The following HTR4 variants were observed in gnomAD, a reference collection of about 807,000 sequenced individuals.
The protein encoded by HTR4 is 5-hydroxytryptamine receptor 4, also known as 5-hydroxytryptamine (serotonin) receptor 4, G protein-coupled.
A neutral mutation model predicts 36.8 loss-of-function variants in HTR4; 16 were observed. That is an observed-to-expected ratio of 0.43 (90% confidence interval 0.29 to 0.66). The LOEUF is 0.66. Ranked by LOEUF, HTR4 falls within the 30% of genes least tolerant of loss-of-function variation. The pLI is 0.13. For missense variants in HTR4, 438 were observed against 490.9 expected (o/e 0.89, Z 1.02); for synonymous variants, 189 against 185.1 (o/e 1.02, Z -0.17).
rs1044543148 is a variant in HTR4 at position 148,560,981 on chromosome 5, G to C, written c.27-10719C>G. Among the ~76,000 whole-genome samples, 9 of 152,176 alleles carry C rather than the reference G, an allele frequency of 5.9e-5. 2 individuals carry two copies. Among genetic ancestry groups the C allele is most frequent in the Admixed American group, 6.5e-5 (1 of 15,274 alleles). ...GTGCTGGCTATAGAAAATGGTAGGA[G>C]AAAAAAGGAATAAACCTTGTAGGAT... is the stretch of plus-strand genomic sequence containing the variant. On this transcript the variant is annotated intron_variant, in intron 2 of 6. Transcript: ENST00000377888.
intron 5 of HTR4, among the ~76,000 whole-genome samples, chr5:148,467,957 C>T (rs1370440620): frequency 6.6e-6 from 1 of 152,222 alleles, no homozygotes; most frequent in African/African-American, 2.4e-5. Flanking sequence ...CCCCACTTCC[C>T]AGACAATGTA....
At chr5:148,489,432 G>T (rs79352593) in intron 6 of HTR4, among the ~76,000 whole-genome samples, 2,247 of 152,278 alleles carry the variant, frequency 0.015, 33 homozygotes, top group South Asian at 0.054. Context: ...GCTGCCCATA[G>T]GAGTGACAGT....
At position 148,509,500 on chromosome 5, in the gene HTR4, G is replaced by A; in HGVS notation, c.1032C>T (p.Val344=). The A allele has an allele frequency of 1.2e-6, 2 of 1,613,330 alleles. No homozygotes were observed. Among genetic ancestry groups the A allele is most frequent in the Non-Finnish European group, 1.7e-6 (2 of 1,179,700 alleles). The change falls in exon 6 of 7, where the codon GTC becomes GTT. Residue 344 remains valine, a synonymous_variant. Coordinates refer to ENST00000377888, the MANE Select transcript of HTR4 (RefSeq NM_000870.7). ...CATTAATGGTTGTGGTTGAACAAGG[G>A]ACAGTCTGGCCCAGAATGGAAGGTC... ...YRRPSILGQT[V]PCSTTTINGS... is the part of the protein sequence containing the mutation.
chr5:148,610,639 C>T (rs1261969820), intron 2 of HTR4, among the ~76,000 whole-genome samples: 5 of 149,214 alleles, frequency 3.4e-5, no homozygotes, highest in South Asian at 2.1e-4. Flanking sequence ...TCCAAAGGAA[C>T]GCAGCTCCTC....
chr5:148,613,163 C>T (rs1752512769), intron 2 of HTR4, among the ~76,000 whole-genome samples: 1 of 151,176 alleles, frequency 6.6e-6, no homozygotes, highest in Non-Finnish European at 1.5e-5. Context: ...AGAAGGAATC[C>T]TCCCTAACTC....
At chr5:148,518,869 A>G (rs1217127999) in intron 5 of HTR4, among the ~76,000 whole-genome samples, 2 of 152,176 alleles carry the variant, frequency 1.3e-5, no homozygotes, top group Non-Finnish European at 2.9e-5. Flanking sequence ...TGCTCCAGCA[A>G]TATTTTATTA....
chr5:148,499,726 T>C (rs907227754), intron 6 of HTR4, among the ~76,000 whole-genome samples: 2 of 152,126 alleles, frequency 1.3e-5, no homozygotes, highest in Admixed American at 6.6e-5. Flanking sequence ...ATCTCCAGAG[T>C]TGGAGGTTGG....
intron 1 of HTR4, among the ~76,000 whole-genome samples, chr5:148,649,948 G>A (rs770353838): frequency 7.2e-5 from 11 of 151,968 alleles, no homozygotes; most frequent in Non-Finnish European, 1.0e-4. Flanking sequence ...CATCACCTGC[G>A]AACCTATTAG....
chr5:148,544,955 CAT>C (rs1759318171), intron 4 of HTR4, among the ~76,000 whole-genome samples: 1 of 152,232 alleles, frequency 6.6e-6, no homozygotes, highest in Admixed American at 6.5e-5. Context: ...CCGGGAATAA[CAT>C]GGCTAACAAG....
intron 2 of HTR4, among the ~76,000 whole-genome samples, chr5:148,570,833 GGTTTTT>G (rs71878473): frequency 0.23 from 35,446 of 151,542 alleles, 4,997 homozygotes; most frequent in Non-Finnish European, 0.32. Context: ...TGTGTGTGTG[GGTTTTT>G]GTTTTTGTTT....
chr5:148,596,560 A>G (rs2127263886), intron 2 of HTR4, among the ~76,000 whole-genome samples: 1 of 152,200 alleles, frequency 6.6e-6, no homozygotes, highest in South Asian at 2.1e-4. Flanking sequence ...TGATCAGTGC[A>G]TATTAGAATG....
At chr5:148,643,876 T>C (rs1181339339) in intron 1 of HTR4, among the ~76,000 whole-genome samples, 2 of 152,148 alleles carry the variant, frequency 1.3e-5, no homozygotes, top group Non-Finnish European at 2.9e-5. Flanking sequence ...CAGAAAGCCA[T>C]CAGATAGTCA....
At chr5:148,603,969 A>C (rs1030504950) in intron 2 of HTR4, among the ~76,000 whole-genome samples, 4 of 152,214 alleles carry the variant, frequency 2.6e-5, no homozygotes, top group South Asian at 4.1e-4. Context: ...TCTGATATCT[A>C]TATATATATT....
intron 4 of HTR4, among the ~76,000 whole-genome samples, chr5:148,530,281 G>A (rs767228223): frequency 1.2e-4 from 18 of 152,138 alleles, no homozygotes; most frequent in Admixed American, 4.6e-4. Flanking sequence ...GGTCTACGTG[G>A]CAGCTCCTTC....
chr5:148,641,705 A>C (rs1753735658), intron 1 of HTR4, among the ~76,000 whole-genome samples: 1 of 152,198 alleles, frequency 6.6e-6, no homozygotes, highest in Admixed American at 6.5e-5. Flanking sequence ...GGAAGAGCTT[A>C]TCTTATTTAT....
At chr5:148,573,508 T>C (rs531248646) in intron 2 of HTR4, among the ~76,000 whole-genome samples, 2 of 152,164 alleles carry the variant, frequency 1.3e-5, no homozygotes, top group South Asian at 4.1e-4. Flanking sequence ...TTAAAGTGTG[T>C]GTGTCACAAA....
chr5:148,556,248 T>G (rs1195404062), intron 2 of HTR4, among the ~76,000 whole-genome samples: 1 of 152,214 alleles, frequency 6.6e-6, no homozygotes, highest in Non-Finnish European at 1.5e-5. Flanking sequence ...GGTCTTAAAC[T>G]CCTGACCTCA....
intron 4 of HTR4, among the ~76,000 whole-genome samples, chr5:148,527,820 G>A (rs1194107393): frequency 6.6e-6 from 1 of 152,264 alleles, no homozygotes; most frequent in East Asian, 1.9e-4. Flanking sequence ...CGCTATGTTG[G>A]CTAGGCTTGT....
At chr5:148,602,185 A>T (rs934322678) in intron 2 of HTR4, among the ~76,000 whole-genome samples, 9 of 152,134 alleles carry the variant, frequency 5.9e-5, no homozygotes, top group Non-Finnish European at 8.8e-5. Flanking sequence ...AAAGTTTGGG[A>T]GGTAAAGGTC....
Sources: gnomAD v4.1 joint callset for allele counts (sites outside exome capture counted in the v4.1 genomes callset) on GRCh38, gnomAD v4.1.1 for gene constraint, MANE v1.5 for transcripts, NCBI Gene and HGNC (gene_info 2026-07-23, HGNC 2026-07-21) for gene names.